RALGAPA2: variants seen among roughly 807,000 people sequenced by gnomAD.
RALGAPA2 encodes Ral GTPase activating protein catalytic subunit alpha 2.
Under a neutral mutation model 230.4 loss-of-function variants are expected in RALGAPA2, and 139 were observed. The observed-to-expected ratio is 0.60, with a 90% CI of 0.53 to 0.69. The LOEUF (loss-of-function observed/expected upper bound fraction) is 0.69. RALGAPA2 is among the 30% of genes least tolerant of loss of function. The probability of loss-of-function intolerance (pLI) is 0.00; values close to 1 mark genes in which losing one functional copy is unlikely to be tolerated. For synonymous variants in RALGAPA2, 847 were observed against 837.8 expected, an observed-to-expected ratio of 1.01 and a Z score of -0.19; for missense variants, 2,163 against 2,276.0, an observed-to-expected ratio of 0.95 and a Z score of 1.01.
At chr20:20,479,171 GC>G (rs2061717489) in intron 36 of RALGAPA2, among the ~76,000 whole-genome samples, 1 of 152,132 alleles carries the variant, frequency 6.6e-6, no homozygotes, top group South Asian at 2.1e-4. Context: ...GGAAAAGCCA[GC>G]TCAGAAGCCT....
chr20:20,511,553 G>T (rs975490690), intron 32 of RALGAPA2, among the ~76,000 whole-genome samples: 2 of 152,128 alleles, frequency 1.3e-5, no homozygotes, highest in African/African-American at 2.4e-5. Flanking sequence ...TGGCTCTTTG[G>T]TGAGTATGTG....
chr20:20,602,843 T>TG lies in RALGAPA2; in HGVS notation c.2039-998dup, dbSNP rs1462666925. Among the ~76,000 whole-genome samples, 4 of 150,940 alleles carry TG rather than the reference T, an allele frequency of 2.7e-5. No homozygotes were observed. The East Asian group carries it at 7.8e-4, about 29-fold the overall frequency. ...GTGTGTGTGTGTGTGTGTGTGTGTG[T>TG]GTAGTGTATGCACACATGTGCACTC... On this transcript the variant is annotated intron_variant, in intron 15 of 39. Transcript: ENST00000202677.
chr20:20,712,441 TG>T lies in RALGAPA2; in HGVS notation c.39del (p.Thr14ProfsTer12). 6.4e-7 allele frequency: 1 copy of T among 1,554,982 alleles called. No individual in the cohort carries two copies. Among genetic ancestry groups the T allele is most frequent in the African/African-American group, 1.4e-5 (1 of 73,112 alleles). Reference protein sequence around the residue: ...SRRSHGDVKKSTQKVLDPKKD... With the variant: ...SRRSHGDVKKXTQKVLDPKKD... ...TTCTTCGGGTCCAGCACCTTCTGGG[TG>T]GACTTCTTCACATCCCCGTGGCTCC... is the stretch of plus-strand genomic sequence containing the variant. On this transcript the variant is annotated frameshift_variant, in exon 1 of 40. Coordinates refer to ENST00000202677, the MANE Select transcript of RALGAPA2 (RefSeq NM_020343.4). LOFTEE classifies it high-confidence loss of function. This position sits in a 1 kb window ranked among gnomAD's most constrained non-coding sequence, Gnocchi z 5.5.
intron 37 of RALGAPA2, among the ~76,000 whole-genome samples, chr20:20,417,765 C>A (rs1163637968): frequency 1.3e-5 from 2 of 152,174 alleles, no homozygotes; most frequent in South Asian, 2.1e-4. Context: ...AAGCACCCCA[C>A]ATAATATTTA....
At chr20:20,399,772 T>TA (rs1320260149) in intron 38 of RALGAPA2, among the ~76,000 whole-genome samples, 1 of 152,212 alleles carries the variant, frequency 6.6e-6, no homozygotes, top group Admixed American at 6.5e-5. Flanking sequence ...TCTCCAGCTG[T>TA]ACTCACTGGG....
Position 20,589,587 on chromosome 20 carries a change from T to C in RALGAPA2, c.2342-222A>G, listed in dbSNP as rs2065227591. On this transcript the variant is annotated intron_variant, in intron 17 of 39. Coordinates refer to ENST00000202677, the MANE Select transcript of RALGAPA2 (RefSeq NM_020343.4). ...GCTCTGAAGAGAGTGGATTGATTAC[T>C]GTTCACTGTGGCCAACAGGTTCACT... Among the ~76,000 whole-genome samples the C allele has an allele frequency of 3.9e-5, 6 of 152,238 alleles. No individual in the cohort carries two copies. The South Asian group carries it at 1.2e-3, about 32-fold the overall frequency.
At chr20:20,395,625 C>A (rs1372360401) in intron 39 of RALGAPA2, among the ~76,000 whole-genome samples, 2 of 152,132 alleles carry the variant, frequency 1.3e-5, no homozygotes, top group African/African-American at 2.4e-5. Context: ...CCTGTTGGGG[C>A]TGACACGAGT....
intron 37 of RALGAPA2, among the ~76,000 whole-genome samples, chr20:20,423,237 A>G (rs368190609): frequency 6.6e-6 from 1 of 152,176 alleles, no homozygotes; most frequent in African/African-American, 2.4e-5. Context: ...GAAGAGCCCA[A>G]GGGATTCCTG....
At position 20,396,681 on chromosome 20, in the gene RALGAPA2, A is replaced by T; in HGVS notation, c.*35+14T>A. ...CAGGGTGGCTGGACAAATCCACTGA[A>T]GTGTCTGTCTTACCTTGCTCAAATA... is the stretch of plus-strand genomic sequence containing the variant. On this transcript the variant is annotated intron_variant, in intron 39 of 39. Transcript: ENST00000202677. 1 of 1,604,510 alleles carries T rather than the reference A, an allele frequency of 6.2e-7. No individual in the cohort carries two copies. Among genetic ancestry groups the T allele is most frequent in the Non-Finnish European group, 8.5e-7 (1 of 1,172,744 alleles).
Position 20,571,464 on chromosome 20 carries a change from C to T in RALGAPA2, c.3150G>A (p.Glu1050=), listed in dbSNP as rs1395583210. 1 of 1,611,144 alleles carries T rather than the reference C, an allele frequency of 6.2e-7. No homozygotes were observed. The highest frequency in any genetic ancestry group is 1.7e-5 in the Admixed American group (1 of 59,696). The part of the protein sequence containing the change: ...YLVMHLGLTS[E]DQDILNTIIR... ...TAAAGGAGTCGCAGAATACCTGATC[C>T]TCGCTGGTTAATCCCAGGTGCATCA... Residue 1050 remains glutamate (E), a synonymous_variant, in exon 23 of 40, where the codon GAG becomes GAA. Transcript: ENST00000202677.
intron 37 of RALGAPA2, among the ~76,000 whole-genome samples, chr20:20,447,644 T>G (rs2060893560): frequency 2.0e-5 from 3 of 152,210 alleles, no homozygotes; most frequent in Non-Finnish European, 2.9e-5. Context: ...TTTTTTTTTT[T>G]TTAACTAGGT....
chr20:20,395,681 G>A (rs1182844302), intron 39 of RALGAPA2, among the ~76,000 whole-genome samples: 2 of 152,202 alleles, frequency 1.3e-5, no homozygotes, highest in Non-Finnish European at 2.9e-5. Flanking sequence ...AGCCTTGGGT[G>A]AGGGGAAGAG....
chr20:20,585,475 A>T (rs1431821731), intron 18 of RALGAPA2, among the ~76,000 whole-genome samples: 1 of 152,266 alleles, frequency 6.6e-6, no homozygotes, highest in Non-Finnish European at 1.5e-5. Context: ...GGAAATCTGC[A>T]TCCTCTAATA....
At chr20:20,523,987 C>T (rs774660309) in intron 30 of RALGAPA2, among the ~76,000 whole-genome samples, 5 of 152,094 alleles carry the variant, frequency 3.3e-5, no homozygotes, top group African/African-American at 7.2e-5. Flanking sequence ...GATGGAGTCT[C>T]GCTCTGTTGC....
chr20:20,661,764 G>C (rs1165142386), intron 3 of RALGAPA2, among the ~76,000 whole-genome samples: 1 of 152,030 alleles, frequency 6.6e-6, no homozygotes, highest in East Asian at 1.9e-4. Context: ...AACACAGAAA[G>C]ACTGACAATA....
chr20:20,520,079 G>T (rs912374098), intron 31 of RALGAPA2, among the ~76,000 whole-genome samples: 2 of 152,156 alleles, frequency 1.3e-5, no homozygotes, highest in African/African-American at 4.8e-5. Flanking sequence ...GACAACTGAA[G>T]ATTCACATGC....
At chr20:20,570,481 TAATA>T (rs2064592161) in intron 23 of RALGAPA2, among the ~76,000 whole-genome samples, 1 of 152,202 alleles carries the variant, frequency 6.6e-6, no homozygotes, top group Non-Finnish European at 1.5e-5. Flanking sequence ...TCAAGTTCAT[TAATA>T]AGTATTTACA....
chr20:20,555,885 G>A (rs183287335), intron 23 of RALGAPA2, among the ~76,000 whole-genome samples: 2 of 152,112 alleles, frequency 1.3e-5, no homozygotes, highest in East Asian at 3.9e-4. Flanking sequence ...TTTCCAGTCT[G>A]AATGGCTTTT....
At chr20:20,529,641 C>T (rs1294309297) in intron 27 of RALGAPA2, among the ~76,000 whole-genome samples, 1 of 152,286 alleles carries the variant, frequency 6.6e-6, no homozygotes, top group East Asian at 1.9e-4. Flanking sequence ...ATTGAATATT[C>T]AGTTCCTACA....
Sources: gnomAD v4.1 joint callset for allele counts (sites outside exome capture counted in the v4.1 genomes callset) on GRCh38, gnomAD v4.1.1 for gene constraint, Gnocchi (gnomAD v3.1) non-coding constraint, MANE v1.5 for transcripts, NCBI Gene and HGNC (gene_info 2026-07-23, HGNC 2026-07-21) for gene names.